The following CELF2 variants were observed in gnomAD, a reference collection of about 807,000 sequenced individuals.
CELF2 encodes the protein CUG triplet repeat RNA-binding protein 2.
A neutral mutation model predicts 62.6 loss-of-function variants in CELF2; 8 were observed. The observed-to-expected ratio is 0.13, with a 90% CI of 0.07 to 0.23. CELF2 has a LOEUF of 0.23. Among genes scored for constraint, CELF2 ranks in the 10% least tolerant of loss-of-function variants. The pLI, the probability that CELF2 is intolerant of heterozygous loss-of-function variation, is 1.00. For missense variants in CELF2, 333 were observed against 671.0 expected, an observed-to-expected ratio of 0.50 and a Z score of 5.56; for synonymous variants, 258 against 250.0, an observed-to-expected ratio of 1.03 and a Z score of -0.30.
the CELF2 span, among the ~76,000 whole-genome samples, chr10:10,464,878 A>G: frequency 6.6e-6 from 1 of 152,126 alleles, no homozygotes; most frequent in East Asian, 1.9e-4. Flanking sequence ...ATAGCCCCAA[A>G]TCCTTTTACC....
the CELF2 span, among the ~76,000 whole-genome samples, chr10:10,712,165 A>G: frequency 1.3e-5 from 2 of 150,620 alleles, no homozygotes; most frequent in African/African-American, 4.9e-5. Context: ...AAAAAAAAAA[A>G]AAAAAAAACT....
intron 1 of CELF2, among the ~76,000 whole-genome samples, chr10:11,056,807 T>C (rs2065349237): frequency 6.6e-6 from 1 of 152,222 alleles, no homozygotes; most frequent in Admixed American, 6.5e-5. Flanking sequence ...TCAGGCATTC[T>C]AATCAAAGTC....
chr10:11,006,859 C>T (rs796600675), intron 1 of CELF2, among the ~76,000 whole-genome samples: 52 of 152,312 alleles, frequency 3.4e-4, no homozygotes, highest in African/African-American at 1.2e-3. Flanking sequence ...CTCACATCTT[C>T]AAATATCTTT....
At chr10:11,181,148 G>A (rs1265707340) in intron 2 of CELF2, among the ~76,000 whole-genome samples, 3 of 152,140 alleles carry the variant, frequency 2.0e-5, no homozygotes, top group Non-Finnish European at 2.9e-5. Context: ...GGGATTACAG[G>A]GGTAAGCCAA....
chr10:11,138,574 C>G (rs1419087551), intron 1 of CELF2, among the ~76,000 whole-genome samples: 2 of 152,158 alleles, frequency 1.3e-5, no homozygotes, highest in Non-Finnish European at 2.9e-5. Flanking sequence ...TGCAAACTCG[C>G]AAAGAATTTA....
At chr10:10,932,055 G>A (rs1279302603) in intron 2 of CELF2, among the ~76,000 whole-genome samples, 1 of 152,116 alleles carries the variant, frequency 6.6e-6, no homozygotes, top group Non-Finnish European at 1.5e-5. Flanking sequence ...ACAGTGTGTG[G>A]GAATTCAAAA....
At position 11,214,890 on chromosome 10, in the gene CELF2, T is replaced by C. The variant is rs575827161; in HGVS notation, c.272-2535T>C. ...GACCTTGGATGAAACTAGAAAGTAT[T>C]TGAGATCTTGGGGATCTTCCCATCT... On this transcript the variant is annotated intron_variant, in intron 2 of 12. Coordinates refer to ENST00000633077, the MANE Select transcript of CELF2 (RefSeq NM_001326342.2). This position sits in a 1 kb window ranked among gnomAD's most constrained non-coding sequence, Gnocchi z 4.2. Among the ~76,000 whole-genome samples the C allele has an allele frequency of 6.6e-6, 1 of 152,282 alleles. No homozygotes were observed. The highest frequency in any genetic ancestry group is 2.4e-5 in the African/African-American group (1 of 41,572).
At chr10:11,155,677 A>G (rs2064215226) in intron 1 of CELF2, among the ~76,000 whole-genome samples, 1 of 152,232 alleles carries the variant, frequency 6.6e-6, no homozygotes, top group African/African-American at 2.4e-5. Context: ...ATCCCTCTTC[A>G]CAAGTGGATT....
At chr10:11,185,103 G>GT (rs1052649247) in intron 2 of CELF2, among the ~76,000 whole-genome samples, 1 of 151,932 alleles carries the variant, frequency 6.6e-6, no homozygotes, top group South Asian at 2.1e-4. Context: ...TTTTTTTAAT[G>GT]TTTTTTTCTG....
chr10:11,305,224 G>A lies in CELF2; in HGVS notation c.977-8915G>A, dbSNP rs1273532343. On this transcript the variant is annotated intron_variant, in intron 9 of 12. Coordinates refer to ENST00000633077, the MANE Select transcript of CELF2 (RefSeq NM_001326342.2). The surrounding 1 kb of genome is among the most constrained non-coding windows in gnomAD (Gnocchi z 4.8). ...AAAGAACTTTTTTCTGGAAAGTGGA[G>A]CTCAGGTCCTTGCCTCTCTGGAAAT... Among the ~76,000 whole-genome samples, 1 of 152,250 alleles carries A rather than the reference G, an allele frequency of 6.6e-6. No individual in the cohort carries two copies. The highest frequency in any genetic ancestry group is 2.4e-5 in the African/African-American group (1 of 41,464).
chr10:10,809,378 A>G (rs961773327), intron 1 of CELF2, among the ~76,000 whole-genome samples: 4 of 152,216 alleles, frequency 2.6e-5, no homozygotes, highest in African/African-American at 9.6e-5. Context: ...ATGGTATTTC[A>G]TTATGGTGAT....
Position 11,078,993 on chromosome 10 carries a change from A to G in CELF2, c.74+60830A>G, listed in dbSNP as rs1433423107. On this transcript the variant is annotated intron_variant, in intron 1 of 12. Coordinates refer to ENST00000633077, the MANE Select transcript of CELF2 (RefSeq NM_001326342.2). Reference sequence around the variant, plus strand: ...ATCACTTGAGCAGCTCACATTTTCTATTGCGATTTGGAGTCTGTGTGTACA... The same window carrying G: ...ATCACTTGAGCAGCTCACATTTTCTGTTGCGATTTGGAGTCTGTGTGTACA... 2.0e-5 allele frequency among the ~76,000 whole-genome samples: 3 copies of G among 152,268 alleles called. No individual in the cohort carries two copies. In the East Asian group the frequency reaches 5.8e-4, roughly 29 times the overall value.
chr10:10,775,161 GCC>G, the CELF2 span, among the ~76,000 whole-genome samples: 9 of 152,294 alleles, frequency 5.9e-5, no homozygotes, highest in African/African-American at 2.2e-4. Flanking sequence ...ACAGGCGTGA[GCC>G]ACAGTGCCTA....
the CELF2 span, among the ~76,000 whole-genome samples, chr10:10,665,010 G>A: frequency 6.6e-6 from 1 of 152,216 alleles, no homozygotes; most frequent in Non-Finnish European, 1.5e-5. Flanking sequence ...GATTAATCAT[G>A]TTGCTCTTTG....
At chr10:10,930,006 C>T (rs537537662) in intron 2 of CELF2, among the ~76,000 whole-genome samples, 91 of 152,334 alleles carry the variant, frequency 6.0e-4, no homozygotes, top group African/African-American at 2.0e-3. Flanking sequence ...CCGCCTATCA[C>T]GGGCAGCTCC....
rs1359467874 is a variant in CELF2, at chr10:11,319,468, T to TTAGGGTAATTAGGAC, written c.1097-1720_1097-1706dup. 1.3e-5 allele frequency among the ~76,000 whole-genome samples: 2 copies of TTAGGGTAATTAGGAC among 152,032 alleles called. No individual in the cohort carries two copies. The highest frequency in any genetic ancestry group is 2.9e-5 in the Non-Finnish European group (2 of 67,992). On this transcript the variant is annotated intron_variant, in intron 10 of 12. Transcript: ENST00000633077. This position sits in a 1 kb window ranked among gnomAD's most constrained non-coding sequence, Gnocchi z 4.4. ...GATTTGCTGGTGTCCGAGGGATCAT[T>TTAGGGTAATTAGGAC]TAGGGTAATTAGGACAGTCTGCATC...
chr10:11,212,920 A>G (rs2062287134), intron 2 of CELF2, among the ~76,000 whole-genome samples: 1 of 152,154 alleles, frequency 6.6e-6, no homozygotes, highest in Non-Finnish European at 1.5e-5. Context: ...CAGTGGCATG[A>G]ATCGTCCCAT....
chr10:10,766,378 A>G, the CELF2 span, among the ~76,000 whole-genome samples: 3 of 152,162 alleles, frequency 2.0e-5, no homozygotes, highest in Admixed American at 2.0e-4. Context: ...TGTGTCTGAG[A>G]TGACTGTATA....
At chr10:10,665,295 G>A in the CELF2 span, among the ~76,000 whole-genome samples, 2 of 152,186 alleles carry the variant, frequency 1.3e-5, no homozygotes, top group South Asian at 4.1e-4. Context: ...TGGAAGTAGT[G>A]AAATTGTCTG....
Sources: allele counts gnomAD v4.1 joint callset (sites outside exome capture counted in the v4.1 genomes callset), GRCh38; gene constraint gnomAD v4.1.1; non-coding constraint Gnocchi (gnomAD v3.1); transcripts MANE v1.5; gene names NCBI Gene and HGNC (gene_info 2026-07-23, HGNC 2026-07-21).